SH3PXD2A: variants seen among roughly 807,000 people sequenced by gnomAD.
SH3PXD2A encodes SH3 and PX domain-containing protein 2A.
In SH3PXD2A, 32 loss-of-function variants were observed where a neutral mutation model predicts 115.2. That is an observed-to-expected ratio of 0.28 (90% CI 0.21 to 0.37). SH3PXD2A has a LOEUF of 0.37. Among genes scored for constraint, SH3PXD2A ranks in the 10% least tolerant of loss-of-function variants. The probability of loss-of-function intolerance (pLI) is 1.00; values close to 1 mark genes in which losing one functional copy is unlikely to be tolerated. For synonymous variants in SH3PXD2A, 610 were observed against 629.1 expected (o/e 0.97, Z 0.45); for missense variants, 1,328 against 1,498.7 (o/e 0.89, Z 1.88).
chr10:103,793,214 C>T (rs1322303494), intron 2 of SH3PXD2A, among the ~76,000 whole-genome samples: 1 of 152,176 alleles, frequency 6.6e-6, no homozygotes, highest in Non-Finnish European at 1.5e-5. Flanking sequence ...ACTGATATCC[C>T]TAACCCCCAT....
rs143357556 is a variant in SH3PXD2A, at chr10:103,721,516, C to T, written c.398+2754G>A. On this transcript the variant is annotated intron_variant, in intron 5 of 14. Transcript: ENST00000369774. ...ACGGATTCAGCTGACTGGCAAAGAG[C>T]AGGTTTGGAGGCATGGATCACAGGC... 3.2e-3 allele frequency among the ~76,000 whole-genome samples: 491 copies of T among 152,338 alleles called. 1 individual carries two copies. The highest frequency in any genetic ancestry group is 0.014 in the Middle Eastern group (4 of 294).
intron 13 of SH3PXD2A, among the ~76,000 whole-genome samples, chr10:103,606,694 G>A (rs1233261031): frequency 1.3e-5 from 2 of 152,098 alleles, no homozygotes; most frequent in Non-Finnish European, 2.9e-5. Flanking sequence ...ACGGGGTTTC[G>A]CTGTGTTGGC....
At chr10:103,608,019 G>GC (rs1416610123) in intron 13 of SH3PXD2A, among the ~76,000 whole-genome samples, 1 of 151,846 alleles carries the variant, frequency 6.6e-6, no homozygotes, top group Non-Finnish European at 1.5e-5. Context: ...CACTGCGGAA[G>GC]GCCTCGGGGT....
At chr10:103,718,172 A>AT (rs1348640314) in intron 5 of SH3PXD2A, among the ~76,000 whole-genome samples, 158 of 150,894 alleles carry the variant, frequency 1.0e-3, no homozygotes, top group Admixed American at 9.6e-3. Flanking sequence ...TGCCTGGCTC[A>AT]TTTTTTTTCT....
At chr10:103,626,700 G>A (rs561883311) in intron 9 of SH3PXD2A, among the ~76,000 whole-genome samples, 1 of 151,880 alleles carries the variant, frequency 6.6e-6, no homozygotes, top group Non-Finnish European at 1.5e-5. Flanking sequence ...GCCAAGGCAT[G>A]TGGATCGCTT....
intron 5 of SH3PXD2A, among the ~76,000 whole-genome samples, chr10:103,702,585 C>CTGTGTG (rs61568990): frequency 7.0e-4 from 23 of 32,984 alleles, no homozygotes; most frequent in East Asian, 3.5e-3. Flanking sequence ...AGATGTAAGC[C>CTGTGTG]TGTGTGTGTG....
intron 8 of SH3PXD2A, among the ~76,000 whole-genome samples, chr10:103,629,952 C>A (rs567784278): frequency 8.5e-5 from 13 of 152,360 alleles, no homozygotes; most frequent in African/African-American, 3.1e-4. Context: ...GGAGTGGATA[C>A]CTGCCTTCGT....
At chr10:103,658,733 C>A (rs369442141) in intron 8 of SH3PXD2A, among the ~76,000 whole-genome samples, 81 of 152,326 alleles carry the variant, frequency 5.3e-4, no homozygotes, top group African/African-American at 1.9e-3. Context: ...AGTAGAAAAG[C>A]CATGTTCAGG....
chr10:103,599,578 G>A lies in SH3PXD2A; in HGVS notation c.*2238C>T, dbSNP rs1253062130. The A allele has an allele frequency of 6.6e-6, 1 of 152,478 alleles. No individual in the cohort carries two copies. The allele number at this position is 152,478 out of a possible 1,614,324, so 9.4% of individuals were successfully genotyped here. A position where few individuals can be genotyped will look rare whatever the true frequency, so the allele number is the denominator to read the frequency against. On this transcript the variant is annotated 3_prime_UTR_variant, in exon 15 of 15. Transcript: ENST00000369774. ...TTACTTTTTTTCTCTTAATAAATATGTGCTGTTTAAAAATGAGAAAAGTAT... is the reference window on the plus strand; with the variant it reads ...TTACTTTTTTTCTCTTAATAAATATATGCTGTTTAAAAATGAGAAAAGTAT...
chr10:103,676,570 C>T (rs1178948480), intron 6 of SH3PXD2A, among the ~76,000 whole-genome samples: 2 of 152,186 alleles, frequency 1.3e-5, no homozygotes, highest in African/African-American at 2.4e-5. Context: ...AGTTCTGTCA[C>T]CTCCCTCCAC....
chr10:103,833,454 CAA>C (rs1044914235), intron 1 of SH3PXD2A, among the ~76,000 whole-genome samples: 3 of 151,530 alleles, frequency 2.0e-5, no homozygotes, highest in Non-Finnish European at 4.4e-5. Flanking sequence ...CTCAAGTTCC[CAA>C]AGACATATAT....
chr10:103,762,750 G>T (rs375350573), intron 3 of SH3PXD2A, among the ~76,000 whole-genome samples: 1 of 152,196 alleles, frequency 6.6e-6, no homozygotes, highest in South Asian at 2.1e-4. Flanking sequence ...TAGCCCTGAT[G>T]AAAACAATTC....
At chr10:103,618,283 C>T (rs952195281) in intron 10 of SH3PXD2A, among the ~76,000 whole-genome samples, 6 of 152,200 alleles carry the variant, frequency 3.9e-5, no homozygotes, top group Admixed American at 1.3e-4. Flanking sequence ...GGGTGCCACC[C>T]GCTTGGGTCC....
chr10:103,621,308 A>G (rs2068758989), intron 10 of SH3PXD2A, among the ~76,000 whole-genome samples: 1 of 152,156 alleles, frequency 6.6e-6, no homozygotes, highest in Non-Finnish European at 1.5e-5. Flanking sequence ...CCATTGCTCT[A>G]TGTCCAGCCT....
In SH3PXD2A at chr10:103,601,634, C is replaced by T. The variant is rs560371353; in HGVS notation, c.*182G>A. 253 of 578,022 alleles carry T rather than the reference C, an allele frequency of 4.4e-4. 1 individual carries two copies. The highest frequency in any genetic ancestry group is 3.0e-4 in the Non-Finnish European group (96 of 323,180). 35.8% of individuals were successfully genotyped at this position (578,022 alleles called of 1,614,324 possible). On this transcript the variant is annotated 3_prime_UTR_variant, in exon 15 of 15. Transcript: ENST00000369774. ...TCAGTGTGGGCACCCCCATCCCCTA[C>T]CTTCCAGCTGTGGGATGGCTTGGAC...
In SH3PXD2A at chr10:103,733,418, C is replaced by T. The variant is rs578131078; in HGVS notation, c.306+2314G>A. 3.9e-5 allele frequency among the ~76,000 whole-genome samples: 6 copies of T among 152,324 alleles called. No individual in the cohort carries two copies. The South Asian group carries it at 6.2e-4, about 16-fold the overall frequency. On this transcript the variant is annotated intron_variant, in intron 4 of 14. Coordinates refer to ENST00000369774, the MANE Select transcript of SH3PXD2A (RefSeq NM_001394015.1). ...ATCCCAGCTGGAAAAGCCTTCCTCC[C>T]GCCCTATGCCCCCTCCTCCATTAGC... is the stretch of plus-strand genomic sequence containing the variant.
At chr10:103,830,827 CAA>C (rs1222181612) in intron 1 of SH3PXD2A, among the ~76,000 whole-genome samples, 3 of 152,018 alleles carry the variant, frequency 2.0e-5, no homozygotes, top group Admixed American at 2.0e-4. Context: ...TTAGGTTAAA[CAA>C]ATTAGAGAGG....
rs2036515944 is a variant in SH3PXD2A, at chr10:103,616,158, G to A, written c.920+1039C>T. Among the ~76,000 whole-genome samples, 3 of 152,180 alleles carry A rather than the reference G, an allele frequency of 2.0e-5. No individual in the cohort carries two copies. The South Asian group carries it at 6.2e-4, about 32-fold the overall frequency. Reference sequence around the variant, plus strand: ...ATGGACTAGCCTTTAATGCCATCATGTTGTACCATGTTCTGAGCAACTGTC... The same window carrying A: ...ATGGACTAGCCTTTAATGCCATCATATTGTACCATGTTCTGAGCAACTGTC... On this transcript the variant is annotated intron_variant, in intron 11 of 14. Transcript: ENST00000369774.
chr10:103,766,423 C>T (rs915868349), intron 3 of SH3PXD2A, among the ~76,000 whole-genome samples: 8 of 152,198 alleles, frequency 5.3e-5, no homozygotes, highest in African/African-American at 9.7e-5. Context: ...GCCACTTTTA[C>T]GGGCAGTTCT....
Sources: allele counts gnomAD v4.1 joint callset (sites outside exome capture counted in the v4.1 genomes callset), GRCh38; gene constraint gnomAD v4.1.1; transcripts MANE v1.5; gene names NCBI Gene and HGNC (gene_info 2026-07-23, HGNC 2026-07-21).